PDZD2: variants seen among roughly 807,000 people sequenced by gnomAD.
PDZD2 encodes the protein PDZ domain containing 2, also known as PDZ domain-containing protein 2.
PDZD2 carries 90 observed loss-of-function variants against 220.7 expected under a neutral mutation model. The ratio of observed to expected loss-of-function variants is 0.41; its 90% confidence interval spans 0.34 to 0.49. PDZD2 has a LOEUF of 0.49. Ranked by LOEUF, PDZD2 falls within the 20% of genes least tolerant of loss-of-function variation. PDZD2 has a pLI of 0.28. For missense variants in PDZD2, 3,174 were observed against 3,608.5 expected (o/e 0.88, Z 3.08); for synonymous variants, 1,375 against 1,450.5 (o/e 0.95, Z 1.18).
chr5:31,791,949 G>T (rs571577149), intron 1 of PDZD2, among the ~76,000 whole-genome samples: 1 of 152,138 alleles, frequency 6.6e-6, no homozygotes, highest in Non-Finnish European at 1.5e-5. Flanking sequence ...GCGACTTAAC[G>T]ACACAGGGGT....
intron 9 of PDZD2, among the ~76,000 whole-genome samples, chr5:32,053,491 A>G (rs1332673140): frequency 6.6e-6 from 1 of 152,248 alleles, no homozygotes; most frequent in African/African-American, 2.4e-5. Flanking sequence ...AAGATTGTCA[A>G]ATATTGGCAA....
chr5:32,003,115 A>C (rs1482905400), intron 5 of PDZD2, among the ~76,000 whole-genome samples: 4 of 26,582 alleles, frequency 1.5e-4, no homozygotes, highest in Non-Finnish European at 2.0e-4. Context: ...CCACAAACAC[A>C]CCACGCGCCA....
chr5:31,976,735 T>TTTTTTTTTTTTTTTTTTTTG, intron 2 of PDZD2, among the ~76,000 whole-genome samples: 1 of 66,332 alleles, frequency 1.5e-5, no homozygotes, highest in Non-Finnish European at 3.2e-5. Flanking sequence ...TTTTTTTTTT[T>TTTTTTTTTTTTTTTTTTTTG]GTGACAGAGT....
intron 2 of PDZD2, among the ~76,000 whole-genome samples, chr5:31,863,735 T>A: frequency 6.6e-6 from 1 of 152,200 alleles, no homozygotes; most frequent in South Asian, 2.1e-4. Flanking sequence ...ATACCATTCC[T>A]TAGACAATAT....
chr5:31,919,227 CTG>C (rs1178945009), intron 2 of PDZD2, among the ~76,000 whole-genome samples: 1 of 152,210 alleles, frequency 6.6e-6, no homozygotes, highest in African/African-American at 2.4e-5. Flanking sequence ...AGCAAAACCT[CTG>C]CAGCTACATT....
At chr5:31,784,904 C>G (rs573612929) in intron 1 of PDZD2, among the ~76,000 whole-genome samples, 1 of 150,262 alleles carries the variant, frequency 6.7e-6, no homozygotes, top group East Asian at 1.9e-4. Flanking sequence ...GAGATGCCGT[C>G]TCAAAAAAAA....
intron 6 of PDZD2, among the ~76,000 whole-genome samples, chr5:32,013,789 C>G (rs1443080019): frequency 1.3e-5 from 2 of 152,204 alleles, no homozygotes; most frequent in Non-Finnish European, 2.9e-5. Flanking sequence ...CGCCTCCCTC[C>G]CCTTCTGCTC....
chr5:31,800,804 G>T (rs1754348080), intron 2 of PDZD2, among the ~76,000 whole-genome samples: 1 of 152,200 alleles, frequency 6.6e-6, no homozygotes, highest in Admixed American at 6.5e-5. Flanking sequence ...GCTTTCAGGG[G>T]CTCCTGGGAG....
intron 1 of PDZD2, among the ~76,000 whole-genome samples, chr5:31,764,475 A>G (rs2150190515): frequency 6.6e-6 from 1 of 152,298 alleles, no homozygotes; most frequent in East Asian, 1.9e-4. Context: ...ACCTCGAGTC[A>G]AAGCCCCTCC....
At chr5:31,664,944 C>T (rs2150114200) in intron 1 of PDZD2, 1 of 152,320 alleles carries the variant, frequency 6.6e-6, no homozygotes, top group South Asian at 2.1e-4. Context: ...CACGTCCTCT[C>T]ACATCTCATT....
At chr5:31,875,612 T>A (rs1289798027) in intron 2 of PDZD2, among the ~76,000 whole-genome samples, 1 of 147,354 alleles carries the variant, frequency 6.8e-6, no homozygotes, top group African/African-American at 2.5e-5. Flanking sequence ...ATATATATAT[T>A]TTAAAAATAT....
intron 2 of PDZD2, among the ~76,000 whole-genome samples, chr5:31,870,180 G>T (rs757432616): frequency 6.6e-6 from 1 of 152,046 alleles, no homozygotes; most frequent in South Asian, 2.1e-4. Context: ...GTACCATACC[G>T]TCTGAGTCAC....
Position 32,088,146 on chromosome 5 carries a change from T to G in PDZD2, c.4698T>G (p.Thr1566=), listed in dbSNP as rs749715232. 7 of 1,614,062 alleles carry G rather than the reference T, an allele frequency of 4.3e-6. No homozygotes were observed. Among genetic ancestry groups the G allele is most frequent in the Non-Finnish European group, 5.1e-6 (6 of 1,180,018 alleles). The change falls in exon 20 of 25, where the codon ACT becomes ACG. Residue 1566 remains threonine, a synonymous_variant. Transcript: ENST00000438447. This position sits in a 1 kb window ranked among gnomAD's most constrained non-coding sequence, Gnocchi z 4.6. Reference sequence around the variant, plus strand: ...CTTCTTCTGACCCTGAGTCACTCACTGAAGCCCCACGAGCTTCTGCCAGGG... The same window carrying G: ...CTTCTTCTGACCCTGAGTCACTCACGGAAGCCCCACGAGCTTCTGCCAGGG... ...EDSSSDPESL[T]EAPRASARDG...
In PDZD2 at chr5:32,083,911, A is replaced by C. The variant is rs1742205328; in HGVS notation, c.3683-3220A>C. ...AGGCTGGTTTCGAACTCCTGACCTC[A>C]AGTGATCTGCCTGGCCTCAGCATCC... On this transcript the variant is annotated intron_variant, in intron 19 of 24. Transcript: ENST00000438447. The surrounding 1 kb of genome is among the most constrained non-coding windows in gnomAD (Gnocchi z 4.1). 6.6e-6 allele frequency among the ~76,000 whole-genome samples: 1 copy of C among 152,110 alleles called. No individual in the cohort carries two copies. The highest frequency in any genetic ancestry group is 2.4e-5 in the African/African-American group (1 of 41,424).
chr5:31,879,529 C>T (rs1306731757), intron 2 of PDZD2, among the ~76,000 whole-genome samples: 1 of 151,948 alleles, frequency 6.6e-6, no homozygotes, highest in African/African-American at 2.4e-5. Context: ...TGCTGAGTCT[C>T]CTTTTAGCAG....
At position 32,088,300 on chromosome 5, in the gene PDZD2, C is replaced by T. The variant is rs1309596634; in HGVS notation, c.4852C>T (p.Pro1618Ser). 2 of 1,614,090 alleles carry T rather than the reference C, an allele frequency of 1.2e-6. No individual in the cohort carries two copies. Among genetic ancestry groups the T allele is most frequent in the Non-Finnish European group, 1.7e-6 (2 of 1,179,972 alleles). The change falls in exon 20 of 25, where the codon CCC (proline) becomes TCC (serine). Residue 1618 changes from proline (P) to serine (S), a missense_variant. Pro to Ser is a moderately conservative substitution (Grantham distance 74, BLOSUM62 -1). Coordinates refer to ENST00000438447, the MANE Select transcript of PDZD2 (RefSeq NM_178140.4). This position sits in a 1 kb window ranked among gnomAD's most constrained non-coding sequence, Gnocchi z 4.6. Reference protein sequence around the residue: ...PNPPSSPAHLPTQAAICPASA... With the variant: ...PNPPSSPAHLSTQAAICPASA... Reference sequence around the variant, plus strand: ...TCCACCCTCGAGTCCTGCTCATCTTCCCACCCAGGCTGCCATCTGTCCTGC... The same window carrying T: ...TCCACCCTCGAGTCCTGCTCATCTTTCCACCCAGGCTGCCATCTGTCCTGC...
chr5:31,769,216 G>A (rs541135646), intron 1 of PDZD2, among the ~76,000 whole-genome samples: 4 of 151,968 alleles, frequency 2.6e-5, no homozygotes, highest in East Asian at 3.9e-4. Flanking sequence ...ATAGCCCGAA[G>A]GTGGCATGAA....
intron 10 of PDZD2, among the ~76,000 whole-genome samples, chr5:32,057,160 A>G (rs1739166766): frequency 6.6e-6 from 1 of 152,154 alleles, no homozygotes; most frequent in African/African-American, 2.4e-5. Flanking sequence ...GCTCAGTAAT[A>G]TTTTAGCAAG....
rs751765264 is a variant in PDZD2 at position 32,077,683 on chromosome 5, G to A, written c.3682+77G>A. On this transcript the variant is annotated intron_variant, in intron 19 of 24. Transcript: ENST00000438447. The stretch of plus-strand genomic sequence containing the variant: ...AATGAAAGCATTATACAGGCCAGGC[G>A]CAGTGGCTTACACCTGTAATCCCAG... The A allele has an allele frequency of 1.6e-5, 23 of 1,456,374 alleles. No homozygotes were observed. In the East Asian group the frequency reaches 2.1e-4, roughly 13 times the overall value. 90.2% of individuals were successfully genotyped at this position (1,456,374 alleles called of 1,614,324 possible).
Sources: allele counts gnomAD v4.1 joint callset (sites outside exome capture counted in the v4.1 genomes callset), GRCh38; gene constraint gnomAD v4.1.1; non-coding constraint Gnocchi (gnomAD v3.1); transcripts MANE v1.5; gene names NCBI Gene and HGNC (gene_info 2026-07-23, HGNC 2026-07-21).